DLG2: variants seen among roughly 807,000 people sequenced by gnomAD.
DLG2 encodes disks large homolog 2.
A neutral mutation model predicts 132.5 loss-of-function variants in DLG2; 45 were observed. The ratio of observed to expected loss-of-function variants is 0.34; its 90% CI spans 0.27 to 0.44. The LOEUF is 0.44. DLG2 is among the 20% of genes least tolerant of loss of function. The probability of loss-of-function intolerance (pLI) is 1.00; values close to 1 mark genes in which losing one functional copy is unlikely to be tolerated. For synonymous variants in DLG2, 424 were observed against 419.6 expected (o/e 1.01, Z -0.13); for missense variants, 1,045 against 1,196.9 (o/e 0.87, Z 1.87).
At chr11:84,502,406 CTTTCTT>C (rs1567807468) in intron 7 of DLG2, among the ~76,000 whole-genome samples, 164 of 99,026 alleles carry the variant, frequency 1.7e-3, no homozygotes, top group South Asian at 4.9e-3. Flanking sequence ...TTCTTTCTTT[CTTTCTT>C]TCTATACAGA....
intron 4 of DLG2, among the ~76,000 whole-genome samples, chr11:85,213,304 T>C (rs1351897161): frequency 6.6e-6 from 1 of 152,086 alleles, no homozygotes; most frequent in Non-Finnish European, 1.5e-5. Context: ...AGGCTACAAC[T>C]TGGTTTTATA....
At chr11:85,596,819 C>G (rs1418250607) in intron 3 of DLG2, among the ~76,000 whole-genome samples, 1 of 152,206 alleles carries the variant, frequency 6.6e-6, no homozygotes, top group African/African-American at 2.4e-5. Flanking sequence ...AGAAAATGCA[C>G]AGTAAGACCG....
At chr11:84,333,358 T>C (rs2098469658) in intron 7 of DLG2, among the ~76,000 whole-genome samples, 1 of 152,240 alleles carries the variant, frequency 6.6e-6, no homozygotes, top group African/African-American at 2.4e-5. Context: ...TATGTGCTCT[T>C]ACGATCTAGG....
chr11:84,754,708 T>C (rs932876283), intron 6 of DLG2, among the ~76,000 whole-genome samples: 6 of 152,176 alleles, frequency 3.9e-5, no homozygotes, highest in African/African-American at 1.4e-4. Flanking sequence ...GTTTTAATCA[T>C]GAATAAATGT....
intron 6 of DLG2, among the ~76,000 whole-genome samples, chr11:84,748,231 A>C (rs1283139243): frequency 3.3e-5 from 5 of 152,178 alleles, no homozygotes; most frequent in Non-Finnish European, 7.4e-5. Flanking sequence ...ATTCTCTACA[A>C]AAATCTGCTG....
At chr11:84,644,728 T>C (rs118179980) in intron 6 of DLG2, among the ~76,000 whole-genome samples, 1 of 150,562 alleles carries the variant, frequency 6.6e-6, no homozygotes, top group African/African-American at 2.4e-5. Flanking sequence ...AAAAGATGTC[T>C]TATGGGAATG....
At chr11:85,363,766 A>G (rs1160309834) in intron 3 of DLG2, among the ~76,000 whole-genome samples, 2 of 152,234 alleles carry the variant, frequency 1.3e-5, no homozygotes, top group African/African-American at 2.4e-5. Context: ...TTTAATGTTC[A>G]TAAGACATGG....
chr11:85,343,130 G>T (rs914283937), intron 3 of DLG2, among the ~76,000 whole-genome samples: 1 of 152,152 alleles, frequency 6.6e-6, no homozygotes, highest in African/African-American at 2.4e-5. Flanking sequence ...TCTCAAAAAT[G>T]TCATTTGAAT....
intron 6 of DLG2, among the ~76,000 whole-genome samples, chr11:84,743,671 A>G (rs946679170): frequency 1.3e-5 from 2 of 152,158 alleles, no homozygotes; most frequent in Admixed American, 1.3e-4. Context: ...TGCTATATGG[A>G]TAAGTCTGGA....
At chr11:85,034,021 C>A (rs1278228085) in intron 6 of DLG2, among the ~76,000 whole-genome samples, 1 of 151,558 alleles carries the variant, frequency 6.6e-6, no homozygotes, top group Non-Finnish European at 1.5e-5. Context: ...ACTGTTCTTT[C>A]TCCAGGAAAA....
chr11:84,401,445 CT>C (rs1567535643), intron 7 of DLG2, among the ~76,000 whole-genome samples: 1 of 152,144 alleles, frequency 6.6e-6, no homozygotes, highest in East Asian at 1.9e-4. Flanking sequence ...TTGCTTACTT[CT>C]GTTTGCCCAG....
At chr11:84,398,820 C>A (rs2098819698) in intron 7 of DLG2, among the ~76,000 whole-genome samples, 1 of 152,142 alleles carries the variant, frequency 6.6e-6, no homozygotes, top group Non-Finnish European at 1.5e-5. Flanking sequence ...AGTATTCTGG[C>A]TCAGCCCAAT....
intron 7 of DLG2, among the ~76,000 whole-genome samples, chr11:84,476,131 A>C (rs531388551): frequency 6.6e-6 from 1 of 152,278 alleles, no homozygotes; most frequent in Admixed American, 6.5e-5. Context: ...TATTTTATAC[A>C]TGAGTACCCT....
At chr11:85,205,165 G>GAT (rs34558284) in intron 4 of DLG2, among the ~76,000 whole-genome samples, 2,438 of 141,722 alleles carry the variant, frequency 0.017, 63 homozygotes, top group African/African-American at 0.056. Context: ...TATATATATA[G>GAT]ATATATATAT....
At chr11:84,571,235 C>A (rs1012719077) in intron 6 of DLG2, among the ~76,000 whole-genome samples, 9 of 151,912 alleles carry the variant, frequency 5.9e-5, no homozygotes, top group Non-Finnish European at 1.0e-4. Context: ...TTCCTCTTTT[C>A]TTTCTCTTCT....
chr11:84,438,740 T>C (rs2099008738), intron 7 of DLG2, among the ~76,000 whole-genome samples: 1 of 152,180 alleles, frequency 6.6e-6, no homozygotes. Flanking sequence ...CCTTTGCCAG[T>C]CCTACCAGAG....
At chr11:84,714,623 T>TCTCTCTCTCTCTC (rs2060950060) in intron 6 of DLG2, among the ~76,000 whole-genome samples, 1 of 104,994 alleles carries the variant, frequency 9.5e-6, no homozygotes, top group African/African-American at 4.3e-5. Flanking sequence ...CTCTTTCTCT[T>TCTCTCTCTCTCTC]TCTCTCTCTC....
At chr11:83,478,517 C>T (rs2092811096) in intron 22 of DLG2, among the ~76,000 whole-genome samples, 1 of 152,002 alleles carries the variant, frequency 6.6e-6, no homozygotes, top group Non-Finnish European at 1.5e-5. Context: ...CATCTTAGAA[C>T]ATCACTCTAA....
At chr11:85,535,745 T>C (rs1314181624) in intron 3 of DLG2, among the ~76,000 whole-genome samples, 1 of 152,006 alleles carries the variant, frequency 6.6e-6, no homozygotes, top group African/African-American at 2.4e-5. Flanking sequence ...TATCCAACAA[T>C]CAACTCATGA....
Sources: gnomAD v4.1 joint callset for allele counts (sites outside exome capture counted in the v4.1 genomes callset) on GRCh38, gnomAD v4.1.1 for gene constraint, MANE v1.5 for transcripts, NCBI Gene and HGNC (gene_info 2026-07-23, HGNC 2026-07-21) for gene names.